Variants in IPO9 observed in about 807,000 individuals in gnomAD.
IPO9 encodes the protein importin-9.
In IPO9, 28 loss-of-function variants were observed where a neutral mutation model predicts 128.6. The ratio of observed to expected loss-of-function variants is 0.22; its 90% confidence interval spans 0.16 to 0.30. IPO9 has a LOEUF of 0.30. Ranked by LOEUF, IPO9 falls within the 10% of genes least tolerant of loss-of-function variation. The pLI is 1.00. For synonymous variants in IPO9, 455 were observed against 475.8 expected, an observed-to-expected ratio of 0.96 and a Z score of 0.57; for missense variants, 935 against 1,293.9, an observed-to-expected ratio of 0.72 and a Z score of 4.26.
At chr1:201,848,329 G>A (rs1381118895) in intron 3 of IPO9, 64 bp from the exon 4 acceptor site, 2 of 1,392,694 alleles carry the variant, frequency 1.4e-6, no homozygotes, top group Non-Finnish European at 2.0e-6. Context: ...GTTCCCAATT[G>A]AACTGGGCTC....
intron 14 of IPO9, among the ~76,000 whole-genome samples, chr1:201,864,691 GT>G (rs927174806): frequency 1.3e-5 from 2 of 152,186 alleles, no homozygotes; most frequent in African/African-American, 4.8e-5. Context: ...TTTCCAGAGT[GT>G]TTTAGGTAGA....
At position 201,858,573 on chromosome 1, in the gene IPO9, T is replaced by C; in HGVS notation, c.1328+20T>C. On this transcript the variant is annotated intron_variant, in intron 12 of 23. Coordinates refer to ENST00000361565, the MANE Select transcript of IPO9 (RefSeq NM_018085.5). ...GCACTGGTAAGAGTGAGCCGCTAAT[T>C]GGTTAAGATGCTTTTGTTTACCCCT... 3 of 1,359,952 alleles carry C rather than the reference T, an allele frequency of 2.2e-6. No individual in the cohort carries two copies. Among genetic ancestry groups the C allele is most frequent in the Non-Finnish European group, 3.0e-6 (3 of 989,844 alleles). The allele number at this position is 1,359,952 out of a possible 1,614,324, so 84.2% of individuals were successfully genotyped here. A position where few individuals can be genotyped will look rare whatever the true frequency, so the allele number is the denominator to read the frequency against.
chr1:201,829,350 T>G lies in IPO9; in HGVS notation c.141T>G (p.Ile47Met). ...QEVRAAAEEQ[I>M]KVLEVTEEFG... ...TGCGGGCGGCTGCTGAAGAACAGAT[T>G]AAGGTGCTGGAGGTGACGGAGGGTG... The change falls in exon 1 of 24, where the codon ATT becomes ATG. Residue 47 changes from isoleucine (I) to methionine (M), a missense_variant. Coordinates refer to ENST00000361565, the MANE Select transcript of IPO9 (RefSeq NM_018085.5). The G allele has an allele frequency of 6.3e-7, 1 of 1,580,776 alleles. No homozygotes were observed. Among genetic ancestry groups the G allele is most frequent in the Non-Finnish European group, 8.6e-7 (1 of 1,165,300 alleles).
chr1:201,840,829 TA>T (rs576437838), intron 1 of IPO9, among the ~76,000 whole-genome samples: 3 of 152,066 alleles, frequency 2.0e-5, no homozygotes, highest in African/African-American at 4.8e-5. Flanking sequence ...AGGGAATATT[TA>T]AAAAAATGTG....
chr1:201,854,643 G>A lies in IPO9; in HGVS notation c.739G>A (p.Ala247Thr). The A allele has an allele frequency of 6.2e-7, 1 of 1,614,172 alleles. No homozygotes were observed. Among genetic ancestry groups the A allele is most frequent in the Non-Finnish European group, 8.5e-7 (1 of 1,180,040 alleles). Residue 247 changes from alanine to threonine, a missense_variant, in exon 7 of 24, where the codon GCC becomes ACC. Around this residue, in one of 3 missense-constraint regions of IPO9, gnomAD observed 741 missense variants for 1,019.1 expected, o/e 0.73. Coordinates refer to ENST00000361565, the MANE Select transcript of IPO9 (RefSeq NM_018085.5). ...IFPVVQQFTEAFVQALQIPDG... is the reference protein window; with the variant it reads ...IFPVVQQFTETFVQALQIPDG... ...TCCCGTGGTACAGCAGTTCACAGAGGCCTTTGTTCAGGCCCTCCAGATACC... is the reference window on the plus strand; with the variant it reads ...TCCCGTGGTACAGCAGTTCACAGAGACCTTTGTTCAGGCCCTCCAGATACC...
chr1:201,861,289 C>G (rs1279544930), intron 13 of IPO9, among the ~76,000 whole-genome samples: 4 of 152,230 alleles, frequency 2.6e-5, no homozygotes, highest in East Asian at 3.8e-4. Context: ...CAGTTTCTCA[C>G]TTACAGTGGT....
At position 201,883,648 on chromosome 1, in the gene IPO9, G is replaced by A. The variant is rs1680931041; in HGVS notation, c.*7594G>A. 1 of 152,188 alleles carries A rather than the reference G, an allele frequency of 6.6e-6. No homozygotes were observed. The highest frequency in any genetic ancestry group is 6.5e-5 in the Admixed American group (1 of 15,290). The allele number at this position is 152,188 out of a possible 1,614,324, so 9.4% of individuals were successfully genotyped here. A position where few individuals can be genotyped will look rare whatever the true frequency, so the allele number is the denominator to read the frequency against. ...AGGGCTCACCTCAATGTTTTGCACT[G>A]TGTGAGACCCCAGGACCTTTTCGTG... On this transcript the variant is annotated 3_prime_UTR_variant, in exon 24 of 24. Coordinates refer to ENST00000361565, the MANE Select transcript of IPO9 (RefSeq NM_018085.5).
Position 201,851,480 on chromosome 1 carries a change from C to T in IPO9, c.515-624C>T, listed in dbSNP as rs577799737. On this transcript the variant is annotated intron_variant, in intron 4 of 23. Transcript: ENST00000361565. ...GTATTTGGTTTTTTTTTTTTTGAGA[C>T]GTGAAGGGAAAGATACGACCCATAT... 1.8e-4 allele frequency among the ~76,000 whole-genome samples: 27 copies of T among 149,484 alleles called. 1 individual carries two copies. The South Asian group carries it at 4.7e-3, about 26-fold the overall frequency.
At chr1:201,871,109 C>G in intron 18 of IPO9, 52 bp from the exon 19 acceptor site, 1 of 1,572,564 alleles carries the variant, frequency 6.4e-7, no homozygotes, top group Non-Finnish European at 8.7e-7. Flanking sequence ...CTCTCATCTC[C>G]TATGTCTCTG....
rs527390717 is a variant in IPO9, at chr1:201,838,533, C to G, written c.164-8746C>G. Among the ~76,000 whole-genome samples the G allele has an allele frequency of 5.3e-5, 8 of 152,200 alleles. No individual in the cohort carries two copies. In the East Asian group the frequency reaches 1.4e-3, roughly 26 times the overall value. On this transcript the variant is annotated intron_variant, in intron 1 of 23. Coordinates refer to ENST00000361565, the MANE Select transcript of IPO9 (RefSeq NM_018085.5). Reference sequence around the variant, plus strand: ...CAGAGTCTGTACTAACCAAATTAATCCTAAGAATTAGAATGGATTGCAGTA... The same window carrying G: ...CAGAGTCTGTACTAACCAAATTAATGCTAAGAATTAGAATGGATTGCAGTA...
At chr1:201,840,117 T>G (rs1025910923) in intron 1 of IPO9, among the ~76,000 whole-genome samples, 1 of 152,240 alleles carries the variant, frequency 6.6e-6, no homozygotes, top group South Asian at 2.1e-4. Flanking sequence ...TGAGACAGCG[T>G]GTCACTCTGT....
chr1:201,875,807 A>T (rs990648088), intron 23 of IPO9, 137 bp from the exon 24 acceptor site: 2 of 686,570 alleles, frequency 2.9e-6, no homozygotes, highest in East Asian at 2.5e-5. Context: ...ATCCAAGAAC[A>T]TGAAAGACCA....
In IPO9 at chr1:201,854,940, G is replaced by A. The variant is rs764006724; in HGVS notation, c.911+17G>A. The A allele has an allele frequency of 6.4e-7, 1 of 1,568,722 alleles. No individual in the cohort carries two copies. The highest frequency in any genetic ancestry group is 1.2e-5 in the South Asian group (1 of 83,790). ...TGCAGCTTTATATCCTTTCTTGAAAGTTTAAGGGAGCTACTACCACCTATA... is the reference window on the plus strand; with the variant it reads ...TGCAGCTTTATATCCTTTCTTGAAAATTTAAGGGAGCTACTACCACCTATA... On this transcript the variant is annotated intron_variant, in intron 8 of 23. Transcript: ENST00000361565.
Position 201,879,552 on chromosome 1 carries a change from T to A in IPO9, c.*3498T>A, listed in dbSNP as rs1464954995. On this transcript the variant is annotated 3_prime_UTR_variant, in exon 24 of 24. Transcript: ENST00000361565. ...AAATTAGGAGTGCTGATCAAATTTT[T>A]AGATAATAAGAAACCCTTAGGAAGG... The A allele has an allele frequency of 6.6e-6, 1 of 152,226 alleles. No homozygotes were observed. Among genetic ancestry groups the A allele is most frequent in the Non-Finnish European group, 1.5e-5 (1 of 68,044 alleles). The allele number at this position is 152,226 out of a possible 1,614,324, so 9.4% of individuals were successfully genotyped here.
chr1:201,858,375 G>A, intron 11 of IPO9, 72 bp from the exon 12 acceptor site: 4 of 771,002 alleles, frequency 5.2e-6, no homozygotes, highest in Non-Finnish European at 8.2e-6. Context: ...TAACAGTCAT[G>A]ACTGAAGCGG....
chr1:201,854,505 G>C, intron 6 of IPO9, 90 bp from the exon 7 acceptor site: 1 of 1,507,058 alleles, frequency 6.6e-7, no homozygotes, highest in Non-Finnish European at 9.0e-7. Context: ...GAGAGCTTTA[G>C]GTGCCTTTCA....
In IPO9 at chr1:201,882,138, C is replaced by G. The variant is rs891844250; in HGVS notation, c.*6084C>G. 6.6e-6 allele frequency: 1 copy of G among 152,024 alleles called. No homozygotes were observed. Among genetic ancestry groups the G allele is most frequent in the South Asian group, 2.1e-4 (1 of 4,820 alleles). 9.4% of individuals were successfully genotyped at this position (152,024 alleles called of 1,614,324 possible). On this transcript the variant is annotated 3_prime_UTR_variant, in exon 24 of 24. Transcript: ENST00000361565. Reference sequence around the variant, plus strand: ...ACCCAAAAGTAATCGCAATAAAATTCCAATTTTTGTAGGCCGGGCATAGTG... The same window carrying G: ...ACCCAAAAGTAATCGCAATAAAATTGCAATTTTTGTAGGCCGGGCATAGTG...
At chr1:201,856,021 A>G in intron 10 of IPO9, 87 bp downstream of exon 10, 1 of 940,536 alleles carries the variant, frequency 1.1e-6, no homozygotes, top group African/African-American at 1.7e-5. Context: ...TGAACACTTT[A>G]TTTCTAAAAA....
rs570759610 is a variant in IPO9, at chr1:201,870,405, C to T, written c.2134-178C>T. ...GGTAAAGGGGGAATTATGTAATGCA[C>T]GTCTATGTCTGTAACAGTAAATGTC... On this transcript the variant is annotated intron_variant, in intron 17 of 23. Coordinates refer to ENST00000361565, the MANE Select transcript of IPO9 (RefSeq NM_018085.5). The surrounding 1 kb of genome is among the most constrained non-coding windows in gnomAD (Gnocchi z 4.9). Among the ~76,000 whole-genome samples the T allele has an allele frequency of 9.2e-5, 14 of 152,268 alleles. No homozygotes were observed. The highest frequency in any genetic ancestry group is 2.1e-4 in the Non-Finnish European group (14 of 68,032).
Sources: allele counts gnomAD v4.1 joint callset (sites outside exome capture counted in the v4.1 genomes callset), GRCh38; gene constraint gnomAD v4.1.1; regional missense constraint gnomAD v4.1.1; non-coding constraint Gnocchi (gnomAD v3.1); transcripts MANE v1.5; gene names NCBI Gene and HGNC (gene_info 2026-07-23, HGNC 2026-07-21).